Variants in HECW2 observed in about 807,000 individuals in gnomAD.
The protein encoded by HECW2 is HECT, C2 and WW domain containing E3 ubiquitin protein ligase 2, also known as E3 ubiquitin-protein ligase HECW2.
Under a neutral mutation model 175.2 loss-of-function variants are expected in HECW2, and 61 were observed. That is an observed-to-expected ratio of 0.35 (90% CI 0.28 to 0.43). The LOEUF (loss-of-function observed/expected upper bound fraction) is 0.43. HECW2 is among the 20% of genes least tolerant of loss of function. HECW2 has a pLI of 1.00. For missense variants in HECW2, 1,524 were observed against 2,000.5 expected, an observed-to-expected ratio of 0.76 and a Z score of 4.54; for synonymous variants, 671 against 731.0, an observed-to-expected ratio of 0.92 and a Z score of 1.32.
Position 196,199,171 on chromosome 2 carries a change from A to G in HECW2, c.*2106T>C, listed in dbSNP as rs1466587478. On this transcript the variant is annotated 3_prime_UTR_variant, in exon 29 of 29. Coordinates refer to ENST00000644978, the MANE Select transcript of HECW2 (RefSeq NM_001348768.2). ...ATGCCAGCCCTGAAACATCTTGTATACCATCAAATATGTGACTTAAAAAAA... is the reference window on the plus strand; with the variant it reads ...ATGCCAGCCCTGAAACATCTTGTATGCCATCAAATATGTGACTTAAAAAAA... The G allele has an allele frequency of 6.6e-6, 1 of 152,376 alleles. No individual in the cohort carries two copies. The highest frequency in any genetic ancestry group is 1.5e-5 in the Non-Finnish European group (1 of 68,012). 9.4% of individuals were successfully genotyped at this position (152,376 alleles called of 1,614,324 possible).
intron 2 of HECW2, among the ~76,000 whole-genome samples, chr2:196,392,147 CT>C (rs1694530477): frequency 6.6e-6 from 1 of 152,084 alleles, no homozygotes; most frequent in Non-Finnish European, 1.5e-5. Flanking sequence ...AACTTTTTTC[CT>C]TTTTAGATTC....
chr2:196,540,865 G>GT (rs1689187856), intron 1 of HECW2, among the ~76,000 whole-genome samples: 1 of 152,120 alleles, frequency 6.6e-6, no homozygotes, highest in Non-Finnish European at 1.5e-5. Flanking sequence ...ATCATACAAA[G>GT]AAATGGCTGT....
At chr2:196,365,165 C>T (rs1177088741) in intron 2 of HECW2, among the ~76,000 whole-genome samples, 1 of 152,204 alleles carries the variant, frequency 6.6e-6, no homozygotes, top group Non-Finnish European at 1.5e-5. Context: ...CATCACTTAA[C>T]TAAAGTAGCT....
intron 1 of HECW2, among the ~76,000 whole-genome samples, chr2:196,522,329 GT>G (rs1008277519): frequency 6.6e-5 from 10 of 152,042 alleles, no homozygotes; most frequent in Admixed American, 5.9e-4. Context: ...TGATGGGGTT[GT>G]TTTTTTCTTG....
intron 2 of HECW2, among the ~76,000 whole-genome samples, chr2:196,391,374 T>C (rs1694505629): frequency 6.6e-6 from 1 of 152,130 alleles, no homozygotes; most frequent in Non-Finnish European, 1.5e-5. Flanking sequence ...GTCACACAAA[T>C]GATCTAAGTT....
At chr2:196,338,024 GACTT>G (rs1333248798) in intron 3 of HECW2, among the ~76,000 whole-genome samples, 3 of 152,094 alleles carry the variant, frequency 2.0e-5, no homozygotes, top group South Asian at 2.1e-4. Flanking sequence ...TCAAATTTTT[GACTT>G]ACTAATTTTC....
At chr2:196,224,137 T>C (rs1687766400) in intron 23 of HECW2, among the ~76,000 whole-genome samples, 1 of 152,162 alleles carries the variant, frequency 6.6e-6, no homozygotes, top group Non-Finnish European at 1.5e-5. Context: ...GTACCGTGTG[T>C]ATTTGTCATC....
chr2:196,461,335 T>C (rs1488623635), intron 1 of HECW2, among the ~76,000 whole-genome samples: 1 of 152,166 alleles, frequency 6.6e-6, no homozygotes, highest in Non-Finnish European at 1.5e-5. Flanking sequence ...ATTACTAGGA[T>C]GACCAAAATT....
At chr2:196,210,297 C>T (rs10804070) in intron 28 of HECW2, among the ~76,000 whole-genome samples, 40,644 of 151,410 alleles carry the variant, frequency 0.27, 5,655 homozygotes, top group East Asian at 0.54. Flanking sequence ...TGTCTGTGTG[C>T]CTGTGTGTAC....
At chr2:196,368,796 ACTCCAGAGTTT>A (rs1389231763) in intron 2 of HECW2, among the ~76,000 whole-genome samples, 7 of 151,324 alleles carry the variant, frequency 4.6e-5, no homozygotes, top group Non-Finnish European at 1.0e-4. Context: ...TGCATTTCCA[ACTCCAGAGTTT>A]CTGCTTGACT....
At chr2:196,346,665 C>T (rs1460682801) in intron 2 of HECW2, among the ~76,000 whole-genome samples, 1 of 152,158 alleles carries the variant, frequency 6.6e-6, no homozygotes, top group Non-Finnish European at 1.5e-5. Flanking sequence ...ATCTCTGTAA[C>T]TCTGCCTTAG....
rs1459538589 is a variant in HECW2 at position 196,319,501 on chromosome 2, A to G, written c.1389T>C (p.Ile463=). The change falls in exon 9 of 29, where the codon ATT becomes ATC. Residue 463 remains isoleucine, a synonymous_variant. Transcript: ENST00000644978. ...TDTRLNAMLH[I]DSDEEDHEFQ... is the part of the protein sequence containing the mutation. ...ACTCGTGATCTTCTTCATCTGAATC[A>G]ATATGAAGCATGGCATTGAGTCTTG... 9 of 1,614,026 alleles carry G rather than the reference A, an allele frequency of 5.6e-6. No homozygotes were observed. Among genetic ancestry groups the G allele is most frequent in the Non-Finnish European group, 7.6e-6 (9 of 1,180,042 alleles).
chr2:196,310,789 T>TG (rs1559030489), intron 10 of HECW2, among the ~76,000 whole-genome samples: 9 of 151,550 alleles, frequency 5.9e-5, no homozygotes, highest in East Asian at 1.9e-4. Flanking sequence ...TGTGTGTGTG[T>TG]TTTGCACTGA....
chr2:196,501,383 T>C (rs999764710), intron 1 of HECW2, among the ~76,000 whole-genome samples: 13 of 152,106 alleles, frequency 8.5e-5, no homozygotes, highest in Admixed American at 5.9e-4. Context: ...GCCCAGCTGA[T>C]TTTTGTATTT....
At chr2:196,410,590 A>G (rs920524783) in intron 2 of HECW2, among the ~76,000 whole-genome samples, 1 of 152,216 alleles carries the variant, frequency 6.6e-6, no homozygotes, top group Non-Finnish European at 1.5e-5. Context: ...CTAGGAATAT[A>G]GGATCCATGA....
In HECW2 at chr2:196,552,950, C is replaced by A. The variant is rs193302002; in HGVS notation, c.-36+40558G>T. Among the ~76,000 whole-genome samples the A allele has an allele frequency of 4.6e-5, 7 of 152,344 alleles. No homozygotes were observed. The East Asian group carries it at 1.4e-3, about 29-fold the overall frequency. On this transcript the variant is annotated intron_variant, in intron 1 of 28. Coordinates refer to ENST00000644978, the MANE Select transcript of HECW2 (RefSeq NM_001348768.2). ...ACCCAGAAAGTCTCCAAATCTCCAT[C>A]CCACCCGAGGAAAAATGTTTCCATT...
At chr2:196,363,252 A>T (rs1226188994) in intron 2 of HECW2, among the ~76,000 whole-genome samples, 1 of 152,174 alleles carries the variant, frequency 6.6e-6, no homozygotes, top group Non-Finnish European at 1.5e-5. Flanking sequence ...TGTGCCAGGG[A>T]CACATAGAAG....
intron 2 of HECW2, among the ~76,000 whole-genome samples, chr2:196,344,394 C>T (rs1162172205): frequency 6.6e-6 from 1 of 150,660 alleles, no homozygotes; most frequent in Non-Finnish European, 1.5e-5. Context: ...AACAGTGATC[C>T]CCCCAAAAGG....
chr2:196,535,098 C>A (rs1688975458), intron 1 of HECW2, among the ~76,000 whole-genome samples: 1 of 151,740 alleles, frequency 6.6e-6, no homozygotes, highest in South Asian at 2.1e-4. Context: ...GCTAAAAACG[C>A]TAGCCCCTAA....
Sources: allele counts gnomAD v4.1 joint callset (sites outside exome capture counted in the v4.1 genomes callset), GRCh38; gene constraint gnomAD v4.1.1; transcripts MANE v1.5; gene names NCBI Gene and HGNC (gene_info 2026-07-23, HGNC 2026-07-21).